Variants in ZNF385D observed in about 807,000 individuals in gnomAD.
The protein encoded by ZNF385D is zinc finger protein 385D.
A neutral mutation model predicts 35.8 loss-of-function variants in ZNF385D; 15 were observed. The ratio of observed to expected loss-of-function variants is 0.42; its 90% CI spans 0.28 to 0.64. The LOEUF is 0.64. ZNF385D is among the 30% of genes least tolerant of loss of function. The pLI is 0.23. For synonymous variants in ZNF385D, 212 were observed against 186.8 expected (o/e 1.13, Z -1.10); for missense variants, 474 against 494.6 (o/e 0.96, Z 0.39).
At chr3:22,127,538 C>G (rs6796452) in intron 3 of ZNF385D, among the ~76,000 whole-genome samples, 1 of 151,354 alleles carries the variant, frequency 6.6e-6, no homozygotes, top group African/African-American at 2.4e-5. Flanking sequence ...TGGGGTTTCA[C>G]CATGTTGTCC....
At position 22,227,843 on chromosome 3, in the gene ZNF385D, C is replaced by T. The variant is rs150603851; in HGVS notation, c.107-58808G>A. Among the ~76,000 whole-genome samples, 818 of 152,276 alleles carry T rather than the reference C, an allele frequency of 5.4e-3. 5 individuals are homozygous for T. The highest frequency in any genetic ancestry group is 0.018 in the African/African-American group (752 of 41,564). ...ATTAAAGTAGGTATAAATATGACTG[C>T]AGAACTACCTCTGAGCTGCTTCTCT... On this transcript the variant is annotated intron_variant, in intron 2 of 5. Transcript: ENST00000494108.
chr3:22,100,796 C>T (rs2125623929), intron 3 of ZNF385D, among the ~76,000 whole-genome samples: 2 of 151,436 alleles, frequency 1.3e-5, no homozygotes, highest in East Asian at 3.9e-4. Flanking sequence ...AACTAACCTG[C>T]ACATTGTGCA....
In ZNF385D at chr3:21,712,208, GA is replaced by G. The variant is rs1214522233; in HGVS notation, c.22+38686del. On this transcript the variant is annotated intron_variant, in intron 1 of 7. Transcript: ENST00000281523. ...CTGCCCTAAAACATCCTTCCTTCTT[GA>G]AAACCATTATGTATCTCTGCAATCC... 5.3e-5 allele frequency among the ~76,000 whole-genome samples: 8 copies of G among 152,150 alleles called. No homozygotes were observed. In the East Asian group the frequency reaches 1.5e-3, roughly 29 times the overall value.
rs369751210 is a variant in ZNF385D at position 21,761,148 on chromosome 3, T to G, written c.326-96120A>C. On this transcript the variant is annotated intron_variant, in intron 3 of 5. Coordinates refer to the ZNF385D transcript ENST00000494108. ...AGCCAGTACCAACTTGCCATGTATGTGAATGAGCTACCTTGGAAGGGGATT... is the reference window on the plus strand; with the variant it reads ...AGCCAGTACCAACTTGCCATGTATGGGAATGAGCTACCTTGGAAGGGGATT... 1.2e-4 allele frequency among the ~76,000 whole-genome samples: 19 copies of G among 152,268 alleles called. No individual in the cohort carries two copies. In the East Asian group the frequency reaches 3.3e-3, roughly 26 times the overall value.
At chr3:21,941,486 T>G (rs9854895) in intron 3 of ZNF385D, among the ~76,000 whole-genome samples, 35,468 of 134,178 alleles carry the variant, frequency 0.26, 5,195 homozygotes, top group Admixed American at 0.42. Flanking sequence ...TTAATTCCAT[T>G]ACTCTTTTTT....
chr3:22,148,788 T>G (rs942007269), intron 3 of ZNF385D, among the ~76,000 whole-genome samples: 1 of 152,172 alleles, frequency 6.6e-6, no homozygotes, highest in Non-Finnish European at 1.5e-5. Flanking sequence ...GAAAATGACC[T>G]TAAAACTTTA....
chr3:21,637,512 CT>C (rs1421645427), intron 2 of ZNF385D, among the ~76,000 whole-genome samples: 1 of 152,084 alleles, frequency 6.6e-6, no homozygotes, highest in Non-Finnish European at 1.5e-5. Context: ...TGACCATGGC[CT>C]TACAGTATAG....
intron 3 of ZNF385D, among the ~76,000 whole-genome samples, chr3:21,916,579 G>A (rs1237924504): frequency 6.6e-6 from 1 of 152,070 alleles, no homozygotes; most frequent in African/African-American, 2.4e-5. Context: ...ATATGCTTTG[G>A]CATAAATTTT....
intron 3 of ZNF385D, among the ~76,000 whole-genome samples, chr3:22,082,550 A>G (rs1700807267): frequency 6.6e-6 from 1 of 152,294 alleles, no homozygotes; most frequent in Admixed American, 6.5e-5. Flanking sequence ...GTGGTTGGGA[A>G]GCTCTAACTG....
chr3:21,679,978 G>A (rs1274696409), intron 1 of ZNF385D, among the ~76,000 whole-genome samples: 3 of 152,032 alleles, frequency 2.0e-5, no homozygotes, highest in African/African-American at 7.2e-5. Flanking sequence ...AGAGAGACTC[G>A]CTCAGTGCCT....
chr3:22,321,949 A>C (rs1428115914), intron 2 of ZNF385D, among the ~76,000 whole-genome samples: 9 of 151,938 alleles, frequency 5.9e-5, no homozygotes, highest in Non-Finnish European at 1.3e-4. Context: ...TGCTATTGTT[A>C]ATCTCTTCTT....
intron 3 of ZNF385D, among the ~76,000 whole-genome samples, chr3:21,857,391 T>C (rs1306445335): frequency 2.0e-5 from 3 of 152,042 alleles, no homozygotes; most frequent in African/African-American, 7.2e-5. Flanking sequence ...ATTCCTTAGG[T>C]GCCAGGGGAA....
chr3:22,173,585 G>A (rs1576444552), intron 2 of ZNF385D, among the ~76,000 whole-genome samples: 1 of 152,306 alleles, frequency 6.6e-6, no homozygotes, highest in East Asian at 1.9e-4. Flanking sequence ...AACTGAGAAA[G>A]AAACTTCTGT....
At position 21,749,249 on chromosome 3, in the gene ZNF385D, C is replaced by T. The variant is rs140598528; in HGVS notation, c.22+1646G>A. ...TCTGCTTTACAAGAGGCTGAACTAG[C>T]ATACAGTTAATAACACAAGCTAGCC... is the stretch of plus-strand genomic sequence containing the variant. On this transcript the variant is annotated intron_variant, in intron 1 of 7. Coordinates refer to ENST00000281523, the MANE Select transcript of ZNF385D (RefSeq NM_024697.3). Among the ~76,000 whole-genome samples the T allele has an allele frequency of 8.5e-5, 13 of 152,260 alleles. No individual in the cohort carries two copies. The East Asian group carries it at 2.1e-3, about 25-fold the overall frequency.
chr3:22,341,270 C>T (rs781348115), intron 2 of ZNF385D, among the ~76,000 whole-genome samples: 1 of 152,162 alleles, frequency 6.6e-6, no homozygotes, highest in Non-Finnish European at 1.5e-5. Flanking sequence ...TTAGAGTCCA[C>T]AGGCTAAATG....
intron 3 of ZNF385D, among the ~76,000 whole-genome samples, chr3:22,156,898 A>G (rs1183241304): frequency 2.6e-5 from 4 of 152,102 alleles, no homozygotes. Flanking sequence ...TGCTTTACCC[A>G]CTTCATTTAA....
At chr3:21,750,033 C>T (rs2069984275) in intron 1 of ZNF385D, among the ~76,000 whole-genome samples, 1 of 152,186 alleles carries the variant, frequency 6.6e-6, no homozygotes, top group South Asian at 2.1e-4. Flanking sequence ...AATGATGACG[C>T]CAGATAGGAC....
chr3:21,567,965 G>A (rs2063207313), intron 2 of ZNF385D, among the ~76,000 whole-genome samples: 1 of 151,956 alleles, frequency 6.6e-6, no homozygotes, highest in Admixed American at 6.6e-5. Context: ...TGTTTGAATT[G>A]AATGATGTTC....
chr3:21,879,472 T>C (rs576143978), intron 3 of ZNF385D, among the ~76,000 whole-genome samples: 6 of 152,150 alleles, frequency 3.9e-5, no homozygotes, highest in Admixed American at 3.3e-4. Context: ...ATAGCAAGAC[T>C]GTACTCTTGA....
Sources: gnomAD v4.1 joint callset for allele counts (sites outside exome capture counted in the v4.1 genomes callset) on GRCh38, gnomAD v4.1.1 for gene constraint, MANE v1.5 for transcripts, NCBI Gene and HGNC (gene_info 2026-07-23, HGNC 2026-07-21) for gene names.